The following DST variants were observed in gnomAD, a reference collection of about 807,000 sequenced individuals.
DST encodes the protein bullous pemphigoid antigen.
In DST, 253 loss-of-function variants were observed where a neutral mutation model predicts 875.2. That is an observed-to-expected ratio of 0.29 (90% CI 0.26 to 0.32). DST has a LOEUF of 0.32. DST is among the 10% of genes least tolerant of loss of function. The pLI is 1.00. For missense variants in DST, 8,287 were observed against 9,111.6 expected, an observed-to-expected ratio of 0.91 and a Z score of 3.68; for synonymous variants, 3,124 against 3,197.1, an observed-to-expected ratio of 0.98 and a Z score of 0.77.
At chr6:56,489,291 A>G (rs1025966859) in intron 86 of DST, among the ~76,000 whole-genome samples, 199 bp downstream of exon 86, 1 of 152,224 alleles carries the variant, frequency 6.6e-6, no homozygotes, top group Non-Finnish European at 1.5e-5. Flanking sequence ...CCTGGGAATC[A>G]TTAGTGAAAT....
chr6:56,669,874 G>A (rs1039055039), intron 10 of DST, among the ~76,000 whole-genome samples: 2 of 152,180 alleles, frequency 1.3e-5, no homozygotes, highest in Admixed American at 6.5e-5. Flanking sequence ...TAAGTGCTAT[G>A]TAAGTATTAG....
intron 2 of DST, among the ~76,000 whole-genome samples, chr6:56,944,937 C>T (rs1818674872): frequency 6.6e-6 from 1 of 152,090 alleles, no homozygotes; most frequent in South Asian, 2.1e-4. Context: ...CTGGCTCTGC[C>T]CCTTCCCTTC....
chr6:56,611,688 A>C, intron 37 of DST, 92 bp from the exon 38 acceptor site: 2 of 883,616 alleles, frequency 2.3e-6, no homozygotes, highest in Non-Finnish European at 3.5e-6. Context: ...AGCTTTAGTC[A>C]AGACCCAAGT....
chr6:56,650,417 T>C (rs75985724), intron 12 of DST, among the ~76,000 whole-genome samples: 5,044 of 151,628 alleles, frequency 0.033, 285 homozygotes, highest in African/African-American at 0.12. Flanking sequence ...AAGCTATGTG[T>C]CAGAGACCTT....
chr6:56,866,899 A>T (rs1025245564), intron 3 of DST, among the ~76,000 whole-genome samples: 2 of 152,166 alleles, frequency 1.3e-5, no homozygotes, highest in African/African-American at 4.8e-5. Context: ...GTATGTACTC[A>T]ACGAGTTCCA....
rs764970855 is a variant in DST at position 56,618,314 on chromosome 6, G to C, written c.4930-3830C>G. ...AGTCCATCTCAACAGAGGGGATCTG[G>C]GTGTTGGGTGAAGGTGTCCAGTGTT... On this transcript the variant is annotated intron_variant, in intron 36 of 103. Transcript: ENST00000680361. 5 of 1,614,136 alleles carry C rather than the reference G, an allele frequency of 3.1e-6. No homozygotes were observed. The Admixed American group carries it at 8.3e-5, about 27-fold the overall frequency.
intron 36 of DST, among the ~76,000 whole-genome samples, chr6:56,622,636 A>G (rs2098701454): frequency 6.6e-6 from 1 of 151,490 alleles, no homozygotes; most frequent in Non-Finnish European, 1.5e-5. Flanking sequence ...TGTGAGAAAA[A>G]TTACTAGAAA....
At position 56,611,579 on chromosome 6, in the gene DST, T is replaced by C; in HGVS notation, c.5076A>G (p.Ile1692Met). 3.7e-6 allele frequency: 6 copies of C among 1,612,488 alleles called. No homozygotes were observed. Among genetic ancestry groups the C allele is most frequent in the Non-Finnish European group, 5.1e-6 (6 of 1,179,012 alleles). The change falls in exon 38 of 104, where the codon ATA (isoleucine) becomes ATG (methionine). Residue 1692 changes from isoleucine (I) to methionine (M), a missense_variant. Transcript: ENST00000680361. ...FSKQKISSEE[I>M]STKKEQLSEA... ...CCGATAATTGTTCCTTCTTGGTTGA[T>C]ATTTCCTCACTGGAAATCTGTAAGG...
chr6:56,750,112 T>C (rs1198493333), intron 4 of DST, among the ~76,000 whole-genome samples: 1 of 152,160 alleles, frequency 6.6e-6, no homozygotes, highest in Non-Finnish European at 1.5e-5. Flanking sequence ...GCCCGCAGAC[T>C]TCTCTCTGAG....
intron 4 of DST, among the ~76,000 whole-genome samples, chr6:56,756,911 A>G (rs971855056): frequency 6.6e-6 from 1 of 152,216 alleles, no homozygotes; most frequent in South Asian, 2.1e-4. Flanking sequence ...ACAGAGAACA[A>G]CAAAGAGTCA....
At chr6:56,902,959 C>T (rs921980203) in intron 2 of DST, among the ~76,000 whole-genome samples, 17 of 145,678 alleles carry the variant, frequency 1.2e-4, no homozygotes, top group Admixed American at 1.0e-3. Flanking sequence ...CTCTCTCTCT[C>T]TGTCTTTCCT....
chr6:56,931,304 T>A (rs1810090728), intron 2 of DST, among the ~76,000 whole-genome samples: 1 of 152,152 alleles, frequency 6.6e-6, no homozygotes, highest in African/African-American at 2.4e-5. Flanking sequence ...GTCAAGAATT[T>A]GGGTTTGTGA....
At chr6:56,760,513 G>A (rs1205564202) in intron 4 of DST, among the ~76,000 whole-genome samples, 1 of 151,944 alleles carries the variant, frequency 6.6e-6, no homozygotes, top group Non-Finnish European at 1.5e-5. Context: ...AGATCTTTTG[G>A]CCAGAATTTG....
At chr6:56,827,506 C>CAAAAAA (rs779051829) in intron 4 of DST, among the ~76,000 whole-genome samples, 1 of 58,774 alleles carries the variant, frequency 1.7e-5, no homozygotes, top group African/African-American at 5.6e-5. Context: ...GACTCCGTCT[C>CAAAAAA]AAAAAAAAAA....
chr6:56,854,526 G>C (rs755913160), intron 3 of DST, among the ~76,000 whole-genome samples: 1 of 152,132 alleles, frequency 6.6e-6, no homozygotes, highest in Non-Finnish European at 1.5e-5. Context: ...TCTACACTTA[G>C]TAAAGAAGAA....
intron 4 of DST, among the ~76,000 whole-genome samples, chr6:56,774,933 G>A (rs1564107411): frequency 6.6e-6 from 1 of 150,682 alleles, no homozygotes; most frequent in Non-Finnish European, 1.5e-5. Context: ...CAGAGGTTGT[G>A]GTGAGCCAAG....
chr6:56,553,741 AAT>A, intron 60 of DST, 86 bp from the exon 61 acceptor site: 1 of 1,261,758 alleles, frequency 7.9e-7, no homozygotes, highest in East Asian at 2.5e-5. Context: ...TCTCTGAATG[AAT>A]ATATAGAATT....
intron 9 of DST, among the ~76,000 whole-genome samples, chr6:56,696,943 G>A (rs187416678): frequency 6.6e-6 from 1 of 152,032 alleles, no homozygotes; most frequent in Non-Finnish European, 1.5e-5. Flanking sequence ...GTCCCCTGAA[G>A]ATCCCTTCTT....
At chr6:56,468,689 T>A (rs564576861) in intron 98 of DST, among the ~76,000 whole-genome samples, 1 of 152,284 alleles carries the variant, frequency 6.6e-6, no homozygotes, top group African/African-American at 2.4e-5. Flanking sequence ...AAATATATGC[T>A]CATATTATAA....
Sources: allele counts gnomAD v4.1 joint callset (sites outside exome capture counted in the v4.1 genomes callset), GRCh38; gene constraint gnomAD v4.1.1; transcripts MANE v1.5; gene names NCBI Gene and HGNC (gene_info 2026-07-23, HGNC 2026-07-21).